SLC2A12: variants seen among roughly 807,000 people sequenced by gnomAD.
The protein encoded by SLC2A12 is solute carrier family 2 member 12, also known as solute carrier family 2, facilitated glucose transporter member 12.
SLC2A12 carries 23 observed loss-of-function variants against 41.8 expected under a neutral mutation model. That is an observed-to-expected ratio of 0.55 (90% CI 0.40 to 0.78). The LOEUF (loss-of-function observed/expected upper bound fraction) is 0.78, where lower values mean the gene tolerates loss of function less well. Among genes scored for constraint, SLC2A12 ranks in the 30% least tolerant of loss-of-function variants. The pLI is 0.00. For synonymous variants in SLC2A12, 295 were observed against 285.9 expected, an observed-to-expected ratio of 1.03 and a Z score of -0.32; for missense variants, 654 against 745.6, an observed-to-expected ratio of 0.88 and a Z score of 1.43.
At position 134,028,492 on chromosome 6, in the gene SLC2A12, T is replaced by C; in HGVS notation, c.1333A>G (p.Thr445Ala). The C allele has an allele frequency of 6.2e-7, 1 of 1,614,214 alleles. No homozygotes were observed. The highest frequency in any genetic ancestry group is 1.7e-4 in the Middle Eastern group (1 of 6,060). Residue 445 changes from threonine (T) to alanine (A), a missense_variant, in exon 2 of 5, where the codon ACT becomes GCT. Around this residue, in one of 3 missense-constraint regions of SLC2A12, gnomAD observed 411 missense variants for 412.1 expected, o/e 1.00. Coordinates refer to ENST00000275230, the MANE Select transcript of SLC2A12 (RefSeq NM_145176.3). Reference protein sequence around the residue: ...ASLLNAGLSHTEYQIVTDPGD... With the variant: ...ASLLNAGLSHAEYQIVTDPGD... ...GGGTCTGTGACTATCTGGTATTCAG[T>C]GTGGCTTAATCCAGCATTTAGCAAG...
rs199697781 is a variant in SLC2A12, at chr6:134,028,366, G to C, written c.1444+15C>G. 1.6e-5 allele frequency: 26 copies of C among 1,584,626 alleles called. No individual in the cohort carries two copies. The highest frequency in any genetic ancestry group is 7.1e-5 in the Admixed American group (4 of 56,376). ...GACTGGTCAAAAGCAATACATTAAAGAATAAAGTACTTACTTGGTCCTAGA... is the reference window on the plus strand; with the variant it reads ...GACTGGTCAAAAGCAATACATTAAACAATAAAGTACTTACTTGGTCCTAGA... On this transcript the variant is annotated intron_variant, in intron 2 of 4. Transcript: ENST00000275230.
intron 4 of SLC2A12, among the ~76,000 whole-genome samples, chr6:133,997,993 T>A (rs544903192): frequency 5.9e-5 from 9 of 152,220 alleles, no homozygotes; most frequent in Non-Finnish European, 1.2e-4. Context: ...TCTCCTATAG[T>A]CTGTTTAGAG....
At chr6:134,006,007 A>C (rs1776808521) in intron 3 of SLC2A12, among the ~76,000 whole-genome samples, 1 of 151,826 alleles carries the variant, frequency 6.6e-6, no homozygotes, top group South Asian at 2.1e-4. Flanking sequence ...CCCTGTCTCT[A>C]CTAAAAATAC....
At chr6:134,042,865 G>A (rs898410935) in intron 1 of SLC2A12, among the ~76,000 whole-genome samples, 3 of 152,064 alleles carry the variant, frequency 2.0e-5, no homozygotes, top group African/African-American at 7.2e-5. Flanking sequence ...TACTTGGGTG[G>A]CTGAGGCAGG....
intron 1 of SLC2A12, among the ~76,000 whole-genome samples, chr6:134,033,951 A>G (rs1777258021): frequency 6.6e-6 from 1 of 151,746 alleles, no homozygotes. Context: ...GACTTAGATC[A>G]TTTGCCTGGT....
intron 3 of SLC2A12, among the ~76,000 whole-genome samples, chr6:134,004,539 A>G (rs1776787786): frequency 6.6e-6 from 1 of 152,222 alleles, no homozygotes; most frequent in Non-Finnish European, 1.5e-5. Flanking sequence ...TAAAGACAAT[A>G]TATATGAAAT....
At chr6:134,050,096 A>G (rs571184030) in intron 1 of SLC2A12, among the ~76,000 whole-genome samples, 1 of 152,352 alleles carries the variant, frequency 6.6e-6, no homozygotes, top group South Asian at 2.1e-4. Context: ...TTAAATCTCA[A>G]CACCTTCATA....
intron 4 of SLC2A12, among the ~76,000 whole-genome samples, chr6:133,998,989 A>G (rs890432303): frequency 4.6e-5 from 7 of 152,262 alleles, no homozygotes; most frequent in Non-Finnish European, 1.0e-4. Flanking sequence ...AGAAATCAAT[A>G]TTAAGCTAGG....
chr6:134,006,725 C>T (rs9376001), intron 3 of SLC2A12, 87 bp downstream of exon 3: 40,002 of 1,524,564 alleles, frequency 0.026, 1,683 homozygotes, highest in African/African-American at 0.17. Context: ...AAAATTTCCA[C>T]GAAAAAATGG....
intron 2 of SLC2A12, among the ~76,000 whole-genome samples, chr6:134,009,775 A>G (rs1253139746): frequency 6.6e-6 from 1 of 152,140 alleles, no homozygotes; most frequent in African/African-American, 2.4e-5. Context: ...AGCCCAGGAG[A>G]TCAAGGCTGC....
intron 2 of SLC2A12, among the ~76,000 whole-genome samples, chr6:134,008,410 G>A (rs1776840405): frequency 6.6e-6 from 1 of 152,182 alleles, no homozygotes; most frequent in Non-Finnish European, 1.5e-5. Flanking sequence ...ATGCATGGAA[G>A]ATAATTATAA....
At chr6:133,992,980 G>C (rs1435701566) in intron 4 of SLC2A12, among the ~76,000 whole-genome samples, 1 of 152,152 alleles carries the variant, frequency 6.6e-6, no homozygotes, top group East Asian at 1.9e-4. Context: ...ACATCAGTCA[G>C]CTTCTGTCCT....
intron 3 of SLC2A12, among the ~76,000 whole-genome samples, chr6:134,004,331 C>T (rs1452980822): frequency 1.3e-5 from 2 of 152,130 alleles, no homozygotes; most frequent in Admixed American, 6.5e-5. Flanking sequence ...TCTTGAGCTA[C>T]TTCTCAAAAG....
At chr6:134,031,115 G>T (rs1777198954) in intron 1 of SLC2A12, among the ~76,000 whole-genome samples, 1 of 152,184 alleles carries the variant, frequency 6.6e-6, no homozygotes. Context: ...TTCAGGGCTG[G>T]ATGTGGTGGC....
At chr6:134,041,189 C>A (rs532873624) in intron 1 of SLC2A12, among the ~76,000 whole-genome samples, 1 of 152,266 alleles carries the variant, frequency 6.6e-6, no homozygotes, top group South Asian at 2.1e-4. Flanking sequence ...TTCTAGAGTG[C>A]ATTGCTCCAG....
At chr6:134,026,990 C>T (rs1022837759) in intron 2 of SLC2A12, among the ~76,000 whole-genome samples, 2 of 152,148 alleles carry the variant, frequency 1.3e-5, no homozygotes, top group African/African-American at 2.4e-5. Flanking sequence ...GGAGTTAGAG[C>T]AGGAGAGGAC....
intron 1 of SLC2A12, among the ~76,000 whole-genome samples, chr6:134,037,933 C>T (rs901202158): frequency 1.3e-5 from 2 of 152,250 alleles, no homozygotes; most frequent in Non-Finnish European, 2.9e-5. Context: ...CAACATGCTG[C>T]TCCTTGGCAT....
intron 3 of SLC2A12, 87 bp from the exon 4 acceptor site, chr6:134,002,216 A>G (rs1386784129): frequency 6.7e-6 from 9 of 1,349,014 alleles, no homozygotes; most frequent in Non-Finnish European, 2.0e-6. Flanking sequence ...CATACATAGC[A>G]CCATATGTAT....
chr6:134,021,742 A>G (rs569283815), intron 2 of SLC2A12, among the ~76,000 whole-genome samples: 9 of 152,236 alleles, frequency 5.9e-5, no homozygotes, highest in Non-Finnish European at 1.3e-4. Context: ...TACGTTTGGT[A>G]GCCCAGAACT....
Sources: gnomAD v4.1 joint callset for allele counts (sites outside exome capture counted in the v4.1 genomes callset) on GRCh38, gnomAD v4.1.1 for gene constraint, gnomAD v4.1.1 regional missense constraint, MANE v1.5 for transcripts, NCBI Gene and HGNC (gene_info 2026-07-23, HGNC 2026-07-21) for gene names.